PTPRD: variants seen among roughly 807,000 people sequenced by gnomAD.
PTPRD encodes protein tyrosine phosphatase receptor type D.
Under a neutral mutation model 214.5 loss-of-function variants are expected in PTPRD, and 34 were observed. The ratio of observed to expected loss-of-function variants is 0.16; its 90% CI spans 0.12 to 0.21. The LOEUF (loss-of-function observed/expected upper bound fraction) is 0.21, where lower values mean the gene tolerates loss of function less well. PTPRD is among the 10% of genes least tolerant of loss of function. The pLI is 1.00. For synonymous variants in PTPRD, 1,128 were observed against 845.7 expected (o/e 1.33, Z -5.79); for missense variants, 2,545 against 2,398.7 (o/e 1.06, Z -1.27).
At chr9:9,237,129 A>C (rs2099967317) in intron 9 of PTPRD, among the ~76,000 whole-genome samples, 1 of 152,202 alleles carries the variant, frequency 6.6e-6, no homozygotes. Flanking sequence ...CTAAATATAG[A>C]GCACAGAAAT....
chr9:8,594,549 G>C (rs1055447317), intron 14 of PTPRD, among the ~76,000 whole-genome samples: 1 of 152,064 alleles, frequency 6.6e-6, no homozygotes, highest in Admixed American at 6.6e-5. Context: ...CCCACATGTC[G>C]AGGGAGGGAC....
intron 33 of PTPRD, among the ~76,000 whole-genome samples, chr9:8,459,619 T>A (rs2096325391): frequency 6.6e-6 from 1 of 151,900 alleles, no homozygotes; most frequent in East Asian, 1.9e-4. Flanking sequence ...GGGGAAAAAA[T>A]CTTATTAGAG....
intron 27 of PTPRD, 71 bp from the exon 28 acceptor site, chr9:8,486,420 G>C (rs1211928853): frequency 7.7e-6 from 10 of 1,305,144 alleles, no homozygotes; most frequent in Non-Finnish European, 1.0e-5. Context: ...TGCCAAATGA[G>C]GGAGTTCCAC....
intron 3 of PTPRD, among the ~76,000 whole-genome samples, chr9:10,318,753 G>T (rs1351461732): frequency 6.6e-6 from 1 of 152,074 alleles, no homozygotes; most frequent in East Asian, 2.0e-4. Context: ...TTGGGGCTAG[G>T]GGTGGTTGCC....
rs79174024 is a variant in PTPRD, at chr9:8,704,861, T to C, written c.64+28919A>G. On this transcript the variant is annotated intron_variant, in intron 12 of 45. Transcript: ENST00000381196. Reference sequence around the variant, plus strand: ...TCATGTGAACCCGGGAGGTGGAGGTTGCAGTGAGCCAAGATCATGCCATTG... The same window carrying C: ...TCATGTGAACCCGGGAGGTGGAGGTCGCAGTGAGCCAAGATCATGCCATTG... 9.3e-3 allele frequency among the ~76,000 whole-genome samples: 1,416 copies of C among 151,936 alleles called. 24 individuals carry two copies. Among genetic ancestry groups the C allele is most frequent in the African/African-American group, 0.032 (1,342 of 41,420 alleles).
In PTPRD at chr9:8,424,303, T is replaced by A. The variant is rs576093962; in HGVS notation, c.4086+12289A>T. 2.6e-5 allele frequency among the ~76,000 whole-genome samples: 4 copies of A among 152,262 alleles called. 1 individual carries two copies. In the South Asian group the frequency reaches 8.3e-4, roughly 32 times the overall value. On this transcript the variant is annotated intron_variant, in intron 35 of 45. Transcript: ENST00000381196. The stretch of plus-strand genomic sequence containing the variant: ...AAGGAAATCAACTCTCAGAGGCAAC[T>A]ATTTATAGTGGTCAGAACATTACCC...
intron 9 of PTPRD, among the ~76,000 whole-genome samples, chr9:9,243,941 G>A (rs1174125028): frequency 1.3e-5 from 2 of 152,130 alleles, no homozygotes; most frequent in Non-Finnish European, 2.9e-5. Context: ...CTTCAGCAAA[G>A]TCTCAGGATA....
At position 8,488,231 on chromosome 9, in the gene PTPRD, C is replaced by A. The variant is rs968623841; in HGVS notation, c.2468-1882G>T. On this transcript the variant is annotated intron_variant, in intron 27 of 45. Transcript: ENST00000381196. ...ATTTTGTATTTCAGAAAGTGAAACC[C>A]AAGTGGAGATGTGCTCTGCTCTAAG... Among the ~76,000 whole-genome samples, 5 of 152,052 alleles carry A rather than the reference C, an allele frequency of 3.3e-5. 1 individual carries two copies. The highest frequency in any genetic ancestry group is 1.2e-4 in the African/African-American group (5 of 41,406).
chr9:9,008,373 T>G (rs543737016), intron 11 of PTPRD, among the ~76,000 whole-genome samples: 82 of 151,578 alleles, frequency 5.4e-4, no homozygotes, highest in African/African-American at 1.9e-3. Context: ...GACTACAGGC[T>G]CCCGCCACCA....
chr9:9,936,366 TCAAA>T (rs1390007617), intron 5 of PTPRD, among the ~76,000 whole-genome samples: 1 of 151,488 alleles, frequency 6.6e-6, no homozygotes, highest in Non-Finnish European at 1.5e-5. Flanking sequence ...TACAATGAAC[TCAAA>T]CAAATTTACA....
At chr9:8,567,908 A>G (rs1362379119) in intron 14 of PTPRD, among the ~76,000 whole-genome samples, 2 of 152,116 alleles carry the variant, frequency 1.3e-5, no homozygotes, top group African/African-American at 4.8e-5. Context: ...GACATTTTTG[A>G]ATTAATTAAT....
At chr9:8,327,950 G>C (rs1399939424) in intron 44 of PTPRD, among the ~76,000 whole-genome samples, 2 of 141,282 alleles carry the variant, frequency 1.4e-5, no homozygotes, top group East Asian at 2.0e-4. Context: ...CACACTGATG[G>C]GTCTTCACTC....
At chr9:8,809,600 T>C (rs2096759385) in intron 11 of PTPRD, among the ~76,000 whole-genome samples, 1 of 152,226 alleles carries the variant, frequency 6.6e-6, no homozygotes, top group African/African-American at 2.4e-5. Context: ...GAAATAGATG[T>C]TGCCCTCTGC....
chr9:8,589,897 T>C (rs1421167156), intron 14 of PTPRD, among the ~76,000 whole-genome samples: 1 of 152,104 alleles, frequency 6.6e-6, no homozygotes, highest in Non-Finnish European at 1.5e-5. Flanking sequence ...ATTTGCAAAT[T>C]TGGAAAATGT....
At chr9:8,346,597 G>T (rs1300692756) in intron 39 of PTPRD, among the ~76,000 whole-genome samples, 1 of 152,122 alleles carries the variant, frequency 6.6e-6, no homozygotes, top group Non-Finnish European at 1.5e-5. Context: ...ATGCTATACA[G>T]GCTGCCTGCC....
At chr9:9,960,147 T>C (rs1179395656) in intron 4 of PTPRD, among the ~76,000 whole-genome samples, 1 of 148,808 alleles carries the variant, frequency 6.7e-6, no homozygotes, top group African/African-American at 2.5e-5. Flanking sequence ...CAACCAGTAG[T>C]GGCAGAATGC....
At chr9:8,872,401 A>G (rs985977228) in intron 11 of PTPRD, among the ~76,000 whole-genome samples, 12 of 152,236 alleles carry the variant, frequency 7.9e-5, no homozygotes, top group Non-Finnish European at 2.9e-5. Context: ...TTGTTCTCTC[A>G]CATGATTGAG....
chr9:10,076,330 C>T (rs984429734), intron 3 of PTPRD, among the ~76,000 whole-genome samples: 1 of 152,080 alleles, frequency 6.6e-6, no homozygotes, highest in Non-Finnish European at 1.5e-5. Context: ...GGTTTAAGAG[C>T]GGGTGTAAAC....
chr9:8,883,483 G>A (rs1009383632), intron 11 of PTPRD, among the ~76,000 whole-genome samples: 3 of 152,178 alleles, frequency 2.0e-5, no homozygotes, highest in African/African-American at 4.8e-5. Context: ...TTTGAAAATT[G>A]AACAAAGGGC....
Sources: gnomAD v4.1 joint callset for allele counts (sites outside exome capture counted in the v4.1 genomes callset) on GRCh38, gnomAD v4.1.1 for gene constraint, MANE v1.5 for transcripts, NCBI Gene and HGNC (gene_info 2026-07-23, HGNC 2026-07-21) for gene names.